JAKMIP3: variants seen among roughly 807,000 people sequenced by gnomAD.
The protein encoded by JAKMIP3 is Janus kinase and microtubule interacting protein 3.
In JAKMIP3, 58 loss-of-function variants were observed where a neutral mutation model predicts 118.5. That is an observed-to-expected ratio of 0.49 (90% CI 0.40 to 0.61). The LOEUF (loss-of-function observed/expected upper bound fraction) is 0.61. Among genes scored for constraint, JAKMIP3 ranks in the 20% least tolerant of loss-of-function variants. The pLI, the probability that JAKMIP3 is intolerant of heterozygous loss-of-function variation, is 0.00. For missense variants in JAKMIP3, 950 were observed against 1,109.0 expected, an observed-to-expected ratio of 0.86 and a Z score of 2.04; for synonymous variants, 486 against 451.2, an observed-to-expected ratio of 1.08 and a Z score of -0.98.
chr10:132,055,494 C>G (rs951340900), intron 1 of JAKMIP3, among the ~76,000 whole-genome samples: 7 of 152,134 alleles, frequency 4.6e-5, no homozygotes, highest in Non-Finnish European at 1.0e-4. Context: ...GAAATTAAAA[C>G]TGAGCAGGTC....
In JAKMIP3 at chr10:132,112,233, G is replaced by A. The variant is rs1366491786; in HGVS notation, c.136-4844G>A. ...CCAGGCGGGGGCTGACATTTGGGTG[G>A]TGAGCACAGGTGCCTGCTGTCCCGC... is the stretch of plus-strand genomic sequence containing the variant. On this transcript the variant is annotated intron_variant, in intron 2 of 23. Transcript: ENST00000684848. The surrounding 1 kb of genome is among the most constrained non-coding windows in gnomAD (Gnocchi z 4.3). Among the ~76,000 whole-genome samples the A allele has an allele frequency of 6.6e-6, 1 of 152,146 alleles. No individual in the cohort carries two copies. The highest frequency in any genetic ancestry group is 2.4e-5 in the African/African-American group (1 of 41,414).
rs541573153 is a variant in JAKMIP3 at position 132,145,805 on chromosome 10, C to A, written c.1749+225C>A. Among the ~76,000 whole-genome samples the A allele has an allele frequency of 1.0e-3, 154 of 152,344 alleles. 1 individual carries two copies. The highest frequency in any genetic ancestry group is 3.6e-3 in the African/African-American group (149 of 41,564). The stretch of plus-strand genomic sequence containing the variant: ...GCCTGTTCTCCTGGGTCCTGTTCTC[C>A]TGGGTCCGGGCAGGCCCCTATCTGC... On this transcript the variant is annotated intron_variant, in intron 13 of 23. Transcript: ENST00000684848.
At chr10:132,098,004 C>CTTTCCCTT (rs1199956471) in intron 1 of JAKMIP3, among the ~76,000 whole-genome samples, 11 of 49,218 alleles carry the variant, frequency 2.2e-4, no homozygotes, top group Admixed American at 2.2e-4. Context: ...TCCCCTTCCC[C>CTTTCCCTT]TCCTTCCTTT....
chr10:132,116,320 G>T (rs901778612), intron 2 of JAKMIP3, among the ~76,000 whole-genome samples: 9 of 151,812 alleles, frequency 5.9e-5, no homozygotes, highest in Non-Finnish European at 1.0e-4. Context: ...TGCACATTCA[G>T]ATGTGTGAGT....
chr10:132,140,491 C>T lies in JAKMIP3; in HGVS notation c.1385C>T (p.Ala462Val), dbSNP rs1420622022. 2 of 1,613,910 alleles carry T rather than the reference C, an allele frequency of 1.2e-6. No individual in the cohort carries two copies. Among genetic ancestry groups the T allele is most frequent in the South Asian group, 2.2e-5 (2 of 91,084 alleles). Residue 462 changes from alanine (A) to valine (V), a missense_variant, in exon 10 of 24, where the codon GCT becomes GTT. By Grantham distance (64) the Ala-to-Val change is moderately conservative (BLOSUM62 0). Coordinates refer to ENST00000684848, the MANE Select transcript of JAKMIP3 (RefSeq NM_001323087.2). ...VETFFGYDEE[A>V]SLESDGSSVS... ...ACCTTCTTTGGATACGACGAAGAGG[C>T]TTCCCTGGAATCCGACGGCTCCTCC...
chr10:132,172,278 C>A (rs1380410030), intron 23 of JAKMIP3, among the ~76,000 whole-genome samples: 1 of 152,118 alleles, frequency 6.6e-6, no homozygotes, highest in Non-Finnish European at 1.5e-5. Context: ...AAGTACCACA[C>A]CAGGGTGCCC....
At chr10:132,057,215 A>T (rs1290758994) in intron 1 of JAKMIP3, among the ~76,000 whole-genome samples, 1 of 152,160 alleles carries the variant, frequency 6.6e-6, no homozygotes. Context: ...ATCTGGGCGC[A>T]ACCCCCTGGG....
In JAKMIP3 at chr10:132,118,191, G is replaced by A. The variant is rs1347877607; in HGVS notation, c.633+617G>A. On this transcript the variant is annotated intron_variant, in intron 3 of 23. Coordinates refer to ENST00000684848, the MANE Select transcript of JAKMIP3 (RefSeq NM_001323087.2). The surrounding 1 kb of genome is among the most constrained non-coding windows in gnomAD (Gnocchi z 4.8). ...TGAGCTGCCGGTTTTGTGGATCAAT[G>A]AGGTCTAACGTTGGCATCTGGTGCA... Among the ~76,000 whole-genome samples, 1 of 152,162 alleles carries A rather than the reference G, an allele frequency of 6.6e-6. No homozygotes were observed. Among genetic ancestry groups the A allele is most frequent in the Admixed American group, 6.5e-5 (1 of 15,286 alleles).
intron 1 of JAKMIP3, among the ~76,000 whole-genome samples, chr10:132,085,792 C>T (rs1009359497): frequency 2.0e-5 from 3 of 152,214 alleles, no homozygotes; most frequent in African/African-American, 7.2e-5. Context: ...AGCCACTGCA[C>T]CTGGCCTTAT....
intron 1 of JAKMIP3, among the ~76,000 whole-genome samples, chr10:132,096,328 T>C (rs991753155): frequency 3.9e-5 from 6 of 152,246 alleles, no homozygotes; most frequent in Non-Finnish European, 2.9e-5. Context: ...CTTCTAGTTA[T>C]TAATGTGACC....
intron 1 of JAKMIP3, among the ~76,000 whole-genome samples, chr10:132,096,904 T>G (rs2043945576): frequency 2.0e-5 from 3 of 152,176 alleles, no homozygotes; most frequent in Non-Finnish European, 4.4e-5. Context: ...CAGAGCCAAC[T>G]GGCTCAGACA....
At chr10:132,071,028 A>T (rs941266641) in intron 1 of JAKMIP3, among the ~76,000 whole-genome samples, 1 of 152,220 alleles carries the variant, frequency 6.6e-6, no homozygotes, top group Non-Finnish European at 1.5e-5. Context: ...CTTTATTGCC[A>T]TAACTTTTTC....
chr10:132,091,641 C>T lies in JAKMIP3; in HGVS notation c.-137-13031C>T, dbSNP rs1309761474. Among the ~76,000 whole-genome samples the T allele has an allele frequency of 3.9e-5, 6 of 152,198 alleles. No homozygotes were observed. The East Asian group carries it at 9.6e-4, about 24-fold the overall frequency. On this transcript the variant is annotated intron_variant, in intron 1 of 23. Coordinates refer to ENST00000684848, the MANE Select transcript of JAKMIP3 (RefSeq NM_001323087.2). ...TTTGCTTGGTAGATCTTCCTCCATC[C>T]CTTTATTTTGAGCCTATGTGTGTCT...
At chr10:132,138,333 T>TGTGTGGAGAGTATGCCGGGTGC (rs2052350850) in intron 9 of JAKMIP3, among the ~76,000 whole-genome samples, 155 bp downstream of exon 9, 1 of 128,450 alleles carries the variant, frequency 7.8e-6, no homozygotes, top group East Asian at 2.3e-4. Context: ...CGCGCCCACG[T>TGTGTGGAGAGTATGCCGGGTGC]GTGTGGAGAG....
At chr10:132,134,960 T>C in intron 4 of JAKMIP3, 81 bp from the exon 5 acceptor site, 1 of 1,548,090 alleles carries the variant, frequency 6.5e-7, no homozygotes, top group Non-Finnish European at 8.8e-7. Context: ...AGCGTTTTTG[T>C]TCCCGTAGCG....
Position 132,180,604 on chromosome 10 carries a change from CGTGTGT to C in JAKMIP3, c.*1104-1747_*1104-1742del, listed in dbSNP as rs1184491325. 6.3e-3 allele frequency among the ~76,000 whole-genome samples: 76 copies of C among 11,988 alleles called. 14 individuals are homozygous for C. Among genetic ancestry groups the C allele is most frequent in the South Asian group, 0.058 (14 of 240 alleles). 7.9% of individuals were successfully genotyped at this position (11,988 alleles called of 152,430 possible). ...GCGTGCGCGTGTGTGTGTGCGTGCGCGTGTGTGTGTGCGTGTGTGTGCGTGTGTGCG... is the reference window on the plus strand; with the variant it reads ...GCGTGCGCGTGTGTGTGTGCGTGCGCGTGTGCGTGTGTGTGCGTGTGTGCG... On this transcript the variant is annotated intron_variant, in intron 23 of 23. Coordinates refer to ENST00000684848, the MANE Select transcript of JAKMIP3 (RefSeq NM_001323087.2).
chr10:132,112,654 G>A lies in JAKMIP3; in HGVS notation c.136-4423G>A, dbSNP rs181320608. Among the ~76,000 whole-genome samples, 60 of 152,290 alleles carry A rather than the reference G, an allele frequency of 3.9e-4. 2 individuals are homozygous for A. The highest frequency in any genetic ancestry group is 1.3e-3 in the African/African-American group (55 of 41,556). ...CCCTGGGGACTGTCTGCTTATTACT[G>A]TGGGTACCTGAATGTTCTGAGCCTA... On this transcript the variant is annotated intron_variant, in intron 2 of 23. Transcript: ENST00000684848. This position sits in a 1 kb window ranked among gnomAD's most constrained non-coding sequence, Gnocchi z 4.3.
At chr10:132,103,029 T>G in intron 1 of JAKMIP3, among the ~76,000 whole-genome samples, 4 of 127,012 alleles carry the variant, frequency 3.1e-5, no homozygotes, top group African/African-American at 6.0e-5. Flanking sequence ...CATCAGGAAA[T>G]GGGAGCAGGA....
rs1247446629 is a variant in JAKMIP3 at position 132,117,526 on chromosome 10, G to A, written c.585G>A (p.Glu195=). The A allele has an allele frequency of 1.9e-6, 3 of 1,597,310 alleles. No homozygotes were observed. Among genetic ancestry groups the A allele is most frequent in the Non-Finnish European group, 2.6e-6 (3 of 1,171,982 alleles). Reference sequence around the variant, plus strand: ...GCAGCGTGTACCACCTGCACCAGGAGGAGATCACCCGCATCAAGAAGGAGT... The same window carrying A: ...GCAGCGTGTACCACCTGCACCAGGAAGAGATCACCCGCATCAAGAAGGAGT... ...EIRSVYHLHQ[E]EITRIKKECE... Residue 195 remains glutamate (E), a synonymous_variant, in exon 3 of 24, where the codon GAG becomes GAA. Transcript: ENST00000684848. This position sits in a 1 kb window ranked among gnomAD's most constrained non-coding sequence, Gnocchi z 8.6.
Sources: gnomAD v4.1 joint callset for allele counts (sites outside exome capture counted in the v4.1 genomes callset) on GRCh38, gnomAD v4.1.1 for gene constraint, Gnocchi (gnomAD v3.1) non-coding constraint, MANE v1.5 for transcripts, NCBI Gene and HGNC (gene_info 2026-07-23, HGNC 2026-07-21) for gene names.